Variants in KCNT2 observed in about 807,000 individuals in gnomAD.
KCNT2 encodes the protein potassium channel subfamily T member 2.
A neutral mutation model predicts 153.8 loss-of-function variants in KCNT2; 67 were observed. The ratio of observed to expected loss-of-function variants is 0.44; its 90% CI spans 0.36 to 0.53. The LOEUF (loss-of-function observed/expected upper bound fraction) is 0.53. Ranked by LOEUF, KCNT2 falls within the 20% of genes least tolerant of loss-of-function variation. KCNT2 has a pLI of 0.00. For missense variants in KCNT2, 975 were observed against 1,354.8 expected, an observed-to-expected ratio of 0.72 and a Z score of 4.40; for synonymous variants, 500 against 458.8, an observed-to-expected ratio of 1.09 and a Z score of -1.15.
chr1:196,542,269 C>A (rs1433015087), intron 1 of KCNT2, among the ~76,000 whole-genome samples: 2 of 151,990 alleles, frequency 1.3e-5, no homozygotes, highest in Non-Finnish European at 2.9e-5. Context: ...AAGAACTGAC[C>A]CAAATATGCA....
chr1:196,573,030 A>C (rs908956733), intron 1 of KCNT2, among the ~76,000 whole-genome samples: 21 of 152,088 alleles, frequency 1.4e-4, no homozygotes, highest in African/African-American at 5.1e-4. Flanking sequence ...ATTTTAAAAA[A>C]TTTGGATGGT....
intron 1 of KCNT2, among the ~76,000 whole-genome samples, chr1:196,540,475 T>C (rs1284086114): frequency 1.3e-5 from 2 of 152,220 alleles, no homozygotes; most frequent in Non-Finnish European, 2.9e-5. Flanking sequence ...CTGAAAATTA[T>C]GCAATGCAAA....
intron 26 of KCNT2, among the ~76,000 whole-genome samples, chr1:196,253,276 G>A (rs897189620): frequency 1.1e-4 from 16 of 150,990 alleles, no homozygotes; most frequent in African/African-American, 3.2e-4. Context: ...ACTGTATTTC[G>A]GATAGTCTAT....
chr1:196,380,457 C>T (rs957163212), intron 13 of KCNT2, among the ~76,000 whole-genome samples: 1 of 152,148 alleles, frequency 6.6e-6, no homozygotes, highest in Admixed American at 6.5e-5. Context: ...GTCTACATCA[C>T]CTTATATTCT....
intron 13 of KCNT2, among the ~76,000 whole-genome samples, chr1:196,385,457 G>A (rs553295812): frequency 5.9e-5 from 9 of 152,096 alleles, no homozygotes; most frequent in African/African-American, 1.2e-4. Context: ...TGACTGAGAC[G>A]TCGTTACGCA....
intron 12 of KCNT2, among the ~76,000 whole-genome samples, chr1:196,418,245 G>A (rs1468013247): frequency 6.6e-6 from 1 of 152,046 alleles, no homozygotes. Context: ...GGAGGCCAAG[G>A]CGGGCAGATC....
chr1:196,576,733 A>G (rs1291460323), intron 1 of KCNT2, among the ~76,000 whole-genome samples: 1 of 152,138 alleles, frequency 6.6e-6, no homozygotes, highest in Non-Finnish European at 1.5e-5. Context: ...GTATGTTTAT[A>G]GTATGCAGTT....
intron 12 of KCNT2, among the ~76,000 whole-genome samples, chr1:196,422,773 T>A (rs1673318233): frequency 6.6e-6 from 1 of 151,922 alleles, no homozygotes; most frequent in Non-Finnish European, 1.5e-5. Context: ...TCATAAGACA[T>A]ACTTAATAAA....
At chr1:196,375,111 C>A (rs1668847381) in intron 13 of KCNT2, among the ~76,000 whole-genome samples, 1 of 151,744 alleles carries the variant, frequency 6.6e-6, no homozygotes, top group African/African-American at 2.4e-5. Flanking sequence ...AGGTCTCCTC[C>A]CTTTTCTTCA....
intron 26 of KCNT2, among the ~76,000 whole-genome samples, chr1:196,239,786 A>T (rs1195205647): frequency 4.6e-5 from 7 of 152,036 alleles, no homozygotes; most frequent in Admixed American, 3.3e-4. Flanking sequence ...AAAGCTAACC[A>T]CCAAGATGAC....
At chr1:196,413,667 T>C (rs1672520570) in intron 12 of KCNT2, among the ~76,000 whole-genome samples, 1 of 151,748 alleles carries the variant, frequency 6.6e-6, no homozygotes, top group African/African-American at 2.4e-5. Flanking sequence ...TTGATCACAA[T>C]GAAATTACAC....
chr1:196,398,832 G>T (rs1248368690), intron 12 of KCNT2, among the ~76,000 whole-genome samples, 161 bp from the exon 13 acceptor site: 1 of 151,596 alleles, frequency 6.6e-6, no homozygotes, highest in Non-Finnish European at 1.5e-5. Context: ...TTCCATAGAA[G>T]AAGGTAGTAA....
In KCNT2 at chr1:196,302,523, C is replaced by T. The variant is rs1661277736; in HGVS notation, c.2595+2711G>A. Among the ~76,000 whole-genome samples, 3 of 152,058 alleles carry T rather than the reference C, an allele frequency of 2.0e-5. No homozygotes were observed. In the South Asian group the frequency reaches 6.2e-4, roughly 32 times the overall value. Reference sequence around the variant, plus strand: ...AGGACTGTAAATGAAAGATCTGTTCCAGGCCTTTCTCCTTGGCTTATGGAA... The same window carrying T: ...AGGACTGTAAATGAAAGATCTGTTCTAGGCCTTTCTCCTTGGCTTATGGAA... On this transcript the variant is annotated intron_variant, in intron 22 of 27. Transcript: ENST00000294725.
chr1:196,312,690 C>T (rs1179788036), intron 21 of KCNT2, among the ~76,000 whole-genome samples: 1 of 151,760 alleles, frequency 6.6e-6, no homozygotes, highest in Non-Finnish European at 1.5e-5. Flanking sequence ...TTAGGCCTTA[C>T]TAATCAACGA....
chr1:196,439,451 T>G (rs1675027885), intron 8 of KCNT2, among the ~76,000 whole-genome samples: 2 of 151,936 alleles, frequency 1.3e-5, no homozygotes, highest in Admixed American at 6.6e-5. Context: ...AATAGAAGAT[T>G]GAATACATGA....
At chr1:196,376,234 C>T (rs947417237) in intron 13 of KCNT2, among the ~76,000 whole-genome samples, 4 of 151,698 alleles carry the variant, frequency 2.6e-5, no homozygotes, top group Non-Finnish European at 5.9e-5. Flanking sequence ...TCTAATACAT[C>T]CATAATTCTT....
rs566343367 is a variant in KCNT2 at position 196,363,682 on chromosome 1, T to C, written c.1403+9458A>G. Among the ~76,000 whole-genome samples, 7 of 152,272 alleles carry C rather than the reference T, an allele frequency of 4.6e-5. No homozygotes were observed. In the East Asian group the frequency reaches 1.4e-3, roughly 29 times the overall value. On this transcript the variant is annotated intron_variant, in intron 14 of 27. Transcript: ENST00000294725. ...CATACTGTCTTGGCCTTCTGCCTTC[T>C]GCCATGGGATGACACAGCAAGAAGG...
At chr1:196,348,179 T>C (rs1395642564) in intron 14 of KCNT2, among the ~76,000 whole-genome samples, 2 of 151,678 alleles carry the variant, frequency 1.3e-5, no homozygotes, top group East Asian at 3.9e-4. Flanking sequence ...TGAATTACTT[T>C]CTCTATGATA....
intron 1 of KCNT2, among the ~76,000 whole-genome samples, chr1:196,597,618 A>T (rs1258244504): frequency 6.6e-6 from 1 of 152,186 alleles, no homozygotes; most frequent in Non-Finnish European, 1.5e-5. Flanking sequence ...CTGAACTACC[A>T]GTTCATTTCT....
Sources: gnomAD v4.1 joint callset for allele counts (sites outside exome capture counted in the v4.1 genomes callset) on GRCh38, gnomAD v4.1.1 for gene constraint, MANE v1.5 for transcripts, NCBI Gene and HGNC (gene_info 2026-07-23, HGNC 2026-07-21) for gene names.